Variants in SMYD3 observed in about 807,000 individuals in gnomAD.
The protein encoded by SMYD3 is histone-lysine N-methyltransferase SMYD3.
In SMYD3, 36 loss-of-function variants were observed where a neutral mutation model predicts 57.7. That is an observed-to-expected ratio of 0.62 (90% CI 0.48 to 0.82). SMYD3 has a LOEUF of 0.82. SMYD3 is among the 40% of genes least tolerant of loss of function. SMYD3 has a pLI of 0.00. For missense variants in SMYD3, 515 were observed against 538.8 expected (o/e 0.96, Z 0.44); for synonymous variants, 211 against 195.0 (o/e 1.08, Z -0.68).
intron 1 of SMYD3, among the ~76,000 whole-genome samples, chr1:246,474,427 G>A (rs1187842602): frequency 3.3e-5 from 5 of 149,812 alleles, no homozygotes; most frequent in Non-Finnish European, 7.4e-5. Context: ...GCTGAGGCAG[G>A]AGAATCGCTT....
chr1:245,869,090 T>A (rs994099691), intron 8 of SMYD3, among the ~76,000 whole-genome samples: 7 of 152,058 alleles, frequency 4.6e-5, no homozygotes, highest in African/African-American at 1.7e-4. Flanking sequence ...GACAAAGTTA[T>A]TCAGGAAAAA....
chr1:246,445,172 CACA>C (rs1370316094), intron 1 of SMYD3, among the ~76,000 whole-genome samples: 5 of 152,302 alleles, frequency 3.3e-5, no homozygotes, highest in Non-Finnish European at 5.9e-5. Flanking sequence ...TAAATGCTAA[CACA>C]ACATTAGGAG....
intron 5 of SMYD3, among the ~76,000 whole-genome samples, chr1:246,018,133 G>A (rs1022192158): frequency 1.3e-5 from 2 of 152,048 alleles, no homozygotes; most frequent in Non-Finnish European, 2.9e-5. Context: ...GGACACAGCC[G>A]GGAAATATAC....
chr1:246,421,851 C>A (rs1037893986), intron 1 of SMYD3, among the ~76,000 whole-genome samples: 2 of 152,182 alleles, frequency 1.3e-5, no homozygotes, highest in African/African-American at 4.8e-5. Context: ...GAACCAAGAG[C>A]GCCAAGAGCA....
chr1:246,485,025 C>A (rs374142606), intron 1 of SMYD3, among the ~76,000 whole-genome samples: 18 of 18,826 alleles, frequency 9.6e-4, no homozygotes, highest in Non-Finnish European at 1.3e-3. Context: ...ACTAGTTACA[C>A]CTGAAAACAC....
rs34997056 is a variant in SMYD3 at position 246,285,541 on chromosome 1, C to CA, written c.531+41659dup. ...AAGACCTGAAACTATAAAAATGCTA[C>CA]AAAAAAAAAAATTGGAAAAACCCTT... On this transcript the variant is annotated intron_variant, in intron 5 of 11. Coordinates refer to ENST00000490107, the MANE Select transcript of SMYD3 (RefSeq NM_001167740.2). Among the ~76,000 whole-genome samples, 217 of 143,564 alleles carry CA rather than the reference C, an allele frequency of 1.5e-3. 1 individual carries two copies. The highest frequency in any genetic ancestry group is 7.9e-3 in the South Asian group (36 of 4,546). The allele number at this position is 143,564 out of a possible 152,430, so 94.2% of individuals were successfully genotyped here.
chr1:246,087,367 T>C (rs1170081862), intron 5 of SMYD3, among the ~76,000 whole-genome samples: 1 of 152,214 alleles, frequency 6.6e-6, no homozygotes, highest in East Asian at 1.9e-4. Context: ...TAATCATCTC[T>C]AGAACCCTGG....
intron 5 of SMYD3, among the ~76,000 whole-genome samples, chr1:245,966,232 TG>T (rs1026083033): frequency 1.3e-5 from 2 of 152,120 alleles, no homozygotes; most frequent in Non-Finnish European, 2.9e-5. Flanking sequence ...AGTACAGTGG[TG>T]CCATCACAGC....
intron 10 of SMYD3, among the ~76,000 whole-genome samples, chr1:245,816,757 T>C (rs996049759): frequency 6.6e-6 from 1 of 151,790 alleles, no homozygotes; most frequent in African/African-American, 2.4e-5. Flanking sequence ...GGTCAGGGAG[T>C]TCCCTTTCCT....
chr1:246,400,219 T>G (rs1229804394), intron 1 of SMYD3, among the ~76,000 whole-genome samples: 1 of 152,248 alleles, frequency 6.6e-6, no homozygotes, highest in African/African-American at 2.4e-5. Flanking sequence ...ACCCACATAC[T>G]GTGATAGGCA....
intron 1 of SMYD3, among the ~76,000 whole-genome samples, chr1:246,465,834 A>C: frequency 6.6e-6 from 1 of 152,216 alleles, no homozygotes; most frequent in East Asian, 1.9e-4. Flanking sequence ...GTGCAGTGGC[A>C]CAATCTCAGC....
At chr1:246,014,639 C>G (rs1025976646) in intron 5 of SMYD3, among the ~76,000 whole-genome samples, 4 of 152,110 alleles carry the variant, frequency 2.6e-5, no homozygotes, top group African/African-American at 9.7e-5. Context: ...TAGTAGGTGT[C>G]TGATAAGAGC....
intron 10 of SMYD3, among the ~76,000 whole-genome samples, chr1:245,767,330 T>C (rs568443968): frequency 2.6e-5 from 4 of 152,270 alleles, no homozygotes; most frequent in Middle Eastern, 3.4e-3. Flanking sequence ...TACAAGATAC[T>C]GGATTCCGGG....
intron 5 of SMYD3, among the ~76,000 whole-genome samples, chr1:246,105,141 T>C (rs2061094657): frequency 6.6e-6 from 1 of 152,016 alleles, no homozygotes; most frequent in South Asian, 2.1e-4. Flanking sequence ...CATCACCCGA[T>C]GGGGGATGAG....
chr1:246,159,670 C>T (rs1355236093), intron 5 of SMYD3, among the ~76,000 whole-genome samples: 4 of 152,104 alleles, frequency 2.6e-5, no homozygotes, highest in East Asian at 1.9e-4. Flanking sequence ...ATGGCAAGTG[C>T]GAAGTCCCTT....
rs2067524736 is a variant in SMYD3, at chr1:246,444,563, T to C, written c.164+62491A>G. On this transcript the variant is annotated intron_variant, in intron 1 of 11. Coordinates refer to ENST00000490107, the MANE Select transcript of SMYD3 (RefSeq NM_001167740.2). ...CCTTTGTCAAGTGGGAGGAAAGCAA[T>C]TTGTGAATGGAGAGGTAGGAAGGAA... Among the ~76,000 whole-genome samples the C allele has an allele frequency of 3.9e-5, 6 of 152,142 alleles. No individual in the cohort carries two copies. The South Asian group carries it at 1.0e-3, about 26-fold the overall frequency.
Position 246,477,757 on chromosome 1 carries a change from C to T in SMYD3, c.164+29297G>A, listed in dbSNP as rs371893619. On this transcript the variant is annotated intron_variant, in intron 1 of 11. Coordinates refer to ENST00000490107, the MANE Select transcript of SMYD3 (RefSeq NM_001167740.2). ...GTCCAGCTCTATCAGACTCCAATGC[C>T]CAGGGCTTCTCCTGTGAGCCATATA... Among the ~76,000 whole-genome samples the T allele has an allele frequency of 8.5e-5, 13 of 152,288 alleles. No homozygotes were observed. The South Asian group carries it at 1.7e-3, about 19-fold the overall frequency.
chr1:246,247,615 G>A (rs1024603564), intron 5 of SMYD3, among the ~76,000 whole-genome samples: 2 of 150,970 alleles, frequency 1.3e-5, no homozygotes, highest in Non-Finnish European at 2.9e-5. Flanking sequence ...TCTGAACATA[G>A]ACTATATATA....
chr1:246,210,333 G>T (rs1428829288), intron 5 of SMYD3, among the ~76,000 whole-genome samples: 3 of 152,148 alleles, frequency 2.0e-5, no homozygotes, highest in Non-Finnish European at 4.4e-5. Flanking sequence ...GTGTAACAGG[G>T]TGCCTTGAAT....
Sources: gnomAD v4.1 joint callset for allele counts (sites outside exome capture counted in the v4.1 genomes callset) on GRCh38, gnomAD v4.1.1 for gene constraint, MANE v1.5 for transcripts, NCBI Gene and HGNC (gene_info 2026-07-23, HGNC 2026-07-21) for gene names.